The following SLC11A2 variants were observed in gnomAD, a reference collection of about 807,000 sequenced individuals.
SLC11A2 encodes solute carrier family 11 member 2.
Under a neutral mutation model 68.0 loss-of-function variants are expected in SLC11A2, and 38 were observed. The observed-to-expected ratio is 0.56, with a 90% confidence interval of 0.43 to 0.73. The LOEUF is 0.73. Among genes scored for constraint, SLC11A2 ranks in the 30% least tolerant of loss-of-function variants. SLC11A2 has a pLI of 0.00. For missense variants in SLC11A2, 517 were observed against 690.5 expected, an observed-to-expected ratio of 0.75 and a Z score of 2.82; for synonymous variants, 242 against 250.6, an observed-to-expected ratio of 0.97 and a Z score of 0.32.
In SLC11A2 at chr12:51,008,930, C is replaced by T. The variant is rs1326786323; in HGVS notation, c.35-306G>A. 6.6e-5 allele frequency among the ~76,000 whole-genome samples: 10 copies of T among 152,062 alleles called. No homozygotes were observed. The East Asian group carries it at 1.7e-3, about 26-fold the overall frequency. On this transcript the variant is annotated intron_variant, in intron 2 of 15. Transcript: ENST00000262052. ...ACTCACAATGGTTTTCCTACTTCCA[C>T]ACTTCTACTCCTACTTGGGAATTTT...
In SLC11A2 at chr12:51,004,878, A is replaced by C; in HGVS notation, c.339T>G (p.Leu113=). 1 of 1,614,144 alleles carries C rather than the reference A, an allele frequency of 6.2e-7. No individual in the cohort carries two copies. The highest frequency in any genetic ancestry group is 1.7e-5 in the Admixed American group (1 of 60,024). The change falls in exon 5 of 16, where the codon CTT becomes CTG. Residue 113 remains leucine (L), a synonymous_variant. Transcript: ENST00000262052. ...CAAGCCGCTGGAGCAGCAGCCCCACAAGGGTGGCCAACAGAAGGATCCAGA... is the reference window on the plus strand; with the variant it reads ...CAAGCCGCTGGAGCAGCAGCCCCACCAGGGTGGCCAACAGAAGGATCCAGA... The part of the protein sequence containing the change: ...KLLWILLLAT[L]VGLLLQRLAA...
chr12:51,000,489 A>G, intron 5 of SLC11A2, 70 bp from the exon 6 acceptor site: 1 of 1,259,302 alleles, frequency 7.9e-7, no homozygotes, highest in African/African-American at 1.5e-5. Context: ...ACAATTTGGA[A>G]TTCACATTTT....
intron 15 of SLC11A2, among the ~76,000 whole-genome samples, chr12:50,989,396 C>T (rs763249682): frequency 7.9e-5 from 12 of 152,178 alleles, no homozygotes; most frequent in Admixed American, 3.3e-4. Context: ...GAGGCTAAGG[C>T]AGGCGAATCA....
At chr12:50,998,246 C>T (rs1941905865) in intron 8 of SLC11A2, among the ~76,000 whole-genome samples, 3 of 152,240 alleles carry the variant, frequency 2.0e-5, no homozygotes, top group Admixed American at 6.5e-5. Flanking sequence ...ATAATCCCAG[C>T]TACTTGGGAG....
intron 1 of SLC11A2, among the ~76,000 whole-genome samples, chr12:51,019,371 A>G (rs1943882767): frequency 6.6e-6 from 1 of 152,208 alleles, no homozygotes; most frequent in Non-Finnish European, 1.5e-5. Context: ...GTTCTACTAA[A>G]CCATTACTGT....
At position 50,990,826 on chromosome 12, in the gene SLC11A2, C is replaced by T. The variant is rs1298415051; in HGVS notation, c.1544G>A (p.Ser515Asn). 1.2e-6 allele frequency: 2 copies of T among 1,614,140 alleles called. No individual in the cohort carries two copies. The highest frequency in any genetic ancestry group is 1.7e-6 in the Non-Finnish European group (2 of 1,179,998). The change falls in exon 15 of 16, where the codon AGC becomes AAC. Residue 515 changes from serine (S) to asparagine (N), a missense_variant. Ser to Asn is a conservative substitution (Grantham distance 46, BLOSUM62 1). Transcript: ENST00000262052. ...GAACACAAAGCCCAGATAAGCCACGCTGACCACAGCAGCCACCACATATAA... is the reference window on the plus strand; with the variant it reads ...GAACACAAAGCCCAGATAAGCCACGTTGACCACAGCAGCCACCACATATAA... ...VALYVVAAVV[S>N]VAYLGFVFYL...
In SLC11A2 at chr12:51,000,372, G is replaced by A; in HGVS notation, c.477C>T (p.Gly159=). The part of the protein sequence containing the change: ...LWLMVELAII[G]SDMQEVIGSA... ...AGCCAATGACTTCTTGCATGTCTGA[G>A]CCGATGATAGCCAACTCCACCATCA... Residue 159 remains glycine (G), a synonymous_variant, in exon 6 of 16, where the codon GGC becomes GGT. Transcript: ENST00000262052. 6.2e-7 allele frequency: 1 copy of A among 1,614,156 alleles called. No individual in the cohort carries two copies. The highest frequency in any genetic ancestry group is 1.1e-5 in the South Asian group (1 of 91,088).
chr12:51,005,871 T>A (rs1942677720), intron 3 of SLC11A2: 1 of 367,690 alleles, frequency 2.7e-6, no homozygotes. Context: ...GAACGGATCC[T>A]CTTCTTGACC....
At chr12:50,992,766 C>T in intron 12 of SLC11A2, 44 bp downstream of exon 12, 1 of 1,459,100 alleles carries the variant, frequency 6.9e-7, no homozygotes, top group South Asian at 1.1e-5. Flanking sequence ...GAAGAAGTAA[C>T]AAAAGGGTTG....
chr12:50,981,475 C>G (rs1289774807), downstream of SLC11A2: 4 of 395,270 alleles, frequency 1.0e-5, no homozygotes, highest in Non-Finnish European at 1.9e-5. Context: ...AGACACAAGC[C>G]CATAGGGGTG....
At chr12:50,955,438 T>C in the SLC11A2 span, among the ~76,000 whole-genome samples, 1 of 152,244 alleles carries the variant, frequency 6.6e-6, no homozygotes, top group Non-Finnish European at 1.5e-5. Context: ...CTGAGCTTTC[T>C]CTTTCTTCTC....
intron 15 of SLC11A2, 84 bp downstream of exon 15, chr12:50,990,710 TG>T: frequency 7.0e-7 from 1 of 1,420,562 alleles, no homozygotes; most frequent in Non-Finnish European, 9.8e-7. Flanking sequence ...GTGCCCAGCC[TG>T]GGTCTGTTCA....
chr12:50,996,565 G>A (rs1308742311), intron 9 of SLC11A2, among the ~76,000 whole-genome samples: 2 of 148,340 alleles, frequency 1.3e-5, no homozygotes, highest in Non-Finnish European at 3.0e-5. Flanking sequence ...AATAGAGTGA[G>A]ACTCCATCTC....
chr12:50,957,115 T>A, the SLC11A2 span, among the ~76,000 whole-genome samples: 2 of 152,126 alleles, frequency 1.3e-5, no homozygotes, highest in Admixed American at 6.6e-5. Context: ...ATTAAATGGA[T>A]CATGAAAGAA....
intron 4 of SLC11A2, 141 bp downstream of exon 4, chr12:51,005,170 A>G: frequency 1.0e-6 from 1 of 970,994 alleles, no homozygotes; most frequent in South Asian, 1.4e-5. Flanking sequence ...ACCAAATGGA[A>G]AGTACTTTAC....
At chr12:50,958,925 G>A in the SLC11A2 span, among the ~76,000 whole-genome samples, 1 of 151,508 alleles carries the variant, frequency 6.6e-6, no homozygotes, top group Admixed American at 6.6e-5. Context: ...GCTGAGGCAC[G>A]AGAATCACTT....
At chr12:51,002,207 G>GT (rs1306157969) in intron 5 of SLC11A2, among the ~76,000 whole-genome samples, 2 of 152,050 alleles carry the variant, frequency 1.3e-5, no homozygotes, top group East Asian at 3.9e-4. Context: ...AAATAGCTGG[G>GT]TATCATGGTG....
intron 5 of SLC11A2, among the ~76,000 whole-genome samples, chr12:51,000,808 T>C (rs1000217598): frequency 6.6e-6 from 1 of 152,148 alleles, no homozygotes; most frequent in African/African-American, 2.4e-5. Context: ...AGAAAGAATA[T>C]TAAATGATTG....
At chr12:51,017,922 C>A (rs1472961669) in intron 1 of SLC11A2, among the ~76,000 whole-genome samples, 3 of 152,146 alleles carry the variant, frequency 2.0e-5, no homozygotes, top group Non-Finnish European at 4.4e-5. Context: ...ATTGTCCATT[C>A]CCTGGTACTA....
Sources: gnomAD v4.1 joint callset for allele counts (sites outside exome capture counted in the v4.1 genomes callset) on GRCh38, gnomAD v4.1.1 for gene constraint, MANE v1.5 for transcripts, NCBI Gene and HGNC (gene_info 2026-07-23, HGNC 2026-07-21) for gene names.